The following NF1 variants were observed in gnomAD, a reference collection of about 807,000 sequenced individuals.
NF1 encodes the protein neurofibromin.
NF1 carries 122 observed loss-of-function variants against 325.7 expected under a neutral mutation model. That is an observed-to-expected ratio of 0.37 (90% CI 0.32 to 0.44). The LOEUF is 0.44. NF1 is among the 20% of genes least tolerant of loss of function. NF1 has a pLI of 1.00. For missense variants in NF1, 2,140 were observed against 3,415.4 expected, an observed-to-expected ratio of 0.63 and a Z score of 9.31; for synonymous variants, 1,091 against 1,186.0, an observed-to-expected ratio of 0.92 and a Z score of 1.65.
In NF1 at chr17:31,292,741, A is replaced by T. The variant is rs550142131; in HGVS notation, c.4835+27402A>T. ...AAGTTTGACTCTGCATTTTGCAGACATGTCTGTAGGATTGACATAATCCAT... is the reference window on the plus strand; with the variant it reads ...AAGTTTGACTCTGCATTTTGCAGACTTGTCTGTAGGATTGACATAATCCAT... On this transcript the variant is annotated intron_variant, in intron 36 of 57. Coordinates refer to ENST00000358273, the MANE Select transcript of NF1 (RefSeq NM_001042492.3). Among the ~76,000 whole-genome samples, 13 of 152,320 alleles carry T rather than the reference A, an allele frequency of 8.5e-5. No homozygotes were observed. In the South Asian group the frequency reaches 1.9e-3, roughly 22 times the overall value.
chr17:31,187,972 A>G (rs2066273089), intron 8 of NF1, among the ~76,000 whole-genome samples: 1 of 152,100 alleles, frequency 6.6e-6, no homozygotes, highest in African/African-American at 2.4e-5. Flanking sequence ...TCAGTCTACT[A>G]CTCCATAGCG....
chr17:31,123,800 A>G (rs567733805), intron 1 of NF1, among the ~76,000 whole-genome samples: 1 of 152,304 alleles, frequency 6.6e-6, no homozygotes, highest in African/African-American at 2.4e-5. Context: ...CAAGAATAAC[A>G]TTCCTTTAAG....
chr17:31,304,679 C>A, intron 36 of NF1: 3 of 1,614,090 alleles, frequency 1.9e-6, no homozygotes, highest in Non-Finnish European at 2.5e-6. Context: ...TTTACTTGAT[C>A]TTTTATTTTC....
intron 30 of NF1, chr17:31,250,422 G>A (rs1322671968): frequency 9.3e-6 from 2 of 214,810 alleles, no homozygotes; most frequent in African/African-American, 4.6e-5. Flanking sequence ...CAGCTTCTTG[G>A]TTGGCCTAGT....
chr17:31,108,200 A>T (rs1005543748), intron 1 of NF1, among the ~76,000 whole-genome samples: 2 of 150,864 alleles, frequency 1.3e-5, no homozygotes, highest in African/African-American at 4.9e-5. Flanking sequence ...AGTACAGTAT[A>T]CCTATCAAAA....
Position 31,327,812 on chromosome 17 carries a change from A to G in NF1, c.5582A>G (p.Asn1861Ser), listed in dbSNP as rs1555533647. ...ACACTGCTCAATATCGCATTACTTA[A>G]TTTAGGCAGTTCTGACCCGAGTTTA... is the stretch of plus-strand genomic sequence containing the variant. ...PGTLLNIALL[N>S]LGSSDPSLRS... is the part of the protein sequence containing the mutation. The change falls in exon 38 of 58, where the codon AAT becomes AGT. Residue 1861 changes from asparagine (N) to serine (S), a missense_variant. Around this residue, in one of 10 missense-constraint regions of NF1, gnomAD observed 180 missense variants for 435.1 expected, o/e 0.41. Transcript: ENST00000358273. 2 of 1,614,162 alleles carry G rather than the reference A, an allele frequency of 1.2e-6. No homozygotes were observed. The highest frequency in any genetic ancestry group is 1.1e-5 in the South Asian group (1 of 91,080).
intron 13 of NF1, among the ~76,000 whole-genome samples, chr17:31,215,763 G>C (rs186002159): frequency 1.9e-4 from 29 of 152,270 alleles, no homozygotes; most frequent in African/African-American, 6.7e-4. Context: ...TTATCGTTTT[G>C]CTCAGTAACT....
chr17:31,164,289 T>C (rs2065810122), intron 4 of NF1, among the ~76,000 whole-genome samples: 1 of 152,252 alleles, frequency 6.6e-6, no homozygotes, highest in African/African-American at 2.4e-5. Context: ...TAAGCTTTTA[T>C]TGATGACTCA....
intron 29 of NF1, among the ~76,000 whole-genome samples, chr17:31,236,843 T>C (rs537717764): frequency 6.6e-6 from 1 of 152,204 alleles, no homozygotes; most frequent in Non-Finnish European, 1.5e-5. Flanking sequence ...TGTTCTGTGC[T>C]GTGCACCACC....
rs1057518362 is a variant in NF1, at chr17:31,357,314, C to T, written c.7915C>T (p.Leu2639Phe). ...CACAGATGAGTTTGATCAACGAATT[C>T]TTTATGAATACTTAGCAGAGGCCAG... is the stretch of plus-strand genomic sequence containing the variant. ...YTTDEFDQRILYEYLAEASVV... is the reference protein window; with the variant it reads ...YTTDEFDQRIFYEYLAEASVV... The change falls in exon 54 of 58, where the codon CTT becomes TTT. Residue 2639 changes from leucine (L) to phenylalanine (F), a missense_variant. This residue lies in a region of NF1 where 522 missense variants were observed against 749.0 expected (regional missense o/e 0.70). Coordinates refer to ENST00000358273, the MANE Select transcript of NF1 (RefSeq NM_001042492.3). 1 of 1,614,024 alleles carries T rather than the reference C, an allele frequency of 6.2e-7. No homozygotes were observed. The highest frequency in any genetic ancestry group is 2.2e-5 in the East Asian group (1 of 44,856).
chr17:31,143,040 A>G (rs1050093733), intron 1 of NF1, among the ~76,000 whole-genome samples: 6 of 152,024 alleles, frequency 3.9e-5, no homozygotes, highest in South Asian at 4.1e-4. Context: ...TTGTATGTGC[A>G]TTCTTTTACC....
Position 31,228,948 on chromosome 17 carries a change from G to A in NF1, c.2410-77G>A, listed in dbSNP as rs2067062547. 4 of 1,157,264 alleles carry A rather than the reference G, an allele frequency of 3.5e-6. No individual in the cohort carries two copies. The Admixed American group carries it at 7.0e-5, about 20-fold the overall frequency. The allele number at this position is 1,157,264 out of a possible 1,614,324, so 71.7% of individuals were successfully genotyped here. On this transcript the variant is annotated intron_variant, in intron 20 of 57. Coordinates refer to ENST00000358273, the MANE Select transcript of NF1 (RefSeq NM_001042492.3). The stretch of plus-strand genomic sequence containing the variant: ...TTTGTACTTTTGTCATGGAAGAAAT[G>A]TTGGATAAAGCATAATTTGTCAAGT...
chr17:31,243,184 C>CTGTGTGTGTGTGTGTGTGTGTGTGTGTG (rs377472053), intron 29 of NF1, among the ~76,000 whole-genome samples: 2,668 of 137,432 alleles, frequency 0.019, 56 homozygotes, highest in Non-Finnish European at 0.027. Context: ...CTCTCTCTGT[C>CTGTGTGTGTGTGTGTGTGTGTGTGTGTG]TGTGTGTGTG....
At chr17:31,303,527 CCATAGTCTT>C (rs1454459971) in intron 36 of NF1, among the ~76,000 whole-genome samples, 2 of 151,968 alleles carry the variant, frequency 1.3e-5, no homozygotes, top group African/African-American at 4.8e-5. Flanking sequence ...TAGAATGAAG[CCATAGTCTT>C]CTTTTCCTTT....
At chr17:31,327,256 C>T (rs2069368595) in intron 37 of NF1, among the ~76,000 whole-genome samples, 1 of 152,048 alleles carries the variant, frequency 6.6e-6, no homozygotes, top group Non-Finnish European at 1.5e-5. Context: ...GCCACTGCAC[C>T]CGGCCTTCTA....
rs2070705283 is a variant in NF1, at chr17:31,374,553, C to T, written c.*398C>T. The T allele has an allele frequency of 2.6e-6, 1 of 390,156 alleles. No homozygotes were observed. The highest frequency in any genetic ancestry group is 4.8e-6 in the Non-Finnish European group (1 of 209,612). The allele number at this position is 390,156 out of a possible 1,614,324, so 24.2% of individuals were successfully genotyped here. A position where few individuals can be genotyped will look rare whatever the true frequency, so the allele number is the denominator to read the frequency against. On this transcript the variant is annotated 3_prime_UTR_variant, in exon 58 of 58. Transcript: ENST00000358273. ...CTGTGGTTTTCCCTTCTTCATCCTA[C>T]AGAGTAAAGTGTTAGTCCTATTTAT...
intron 36 of NF1, among the ~76,000 whole-genome samples, chr17:31,324,954 G>A (rs924884870): frequency 1.3e-5 from 2 of 152,146 alleles, no homozygotes; most frequent in African/African-American, 4.8e-5. Flanking sequence ...ATCACATATG[G>A]AAAACTTTGG....
rs1008403236 is a variant in NF1, at chr17:31,327,418, G to A, written c.5269-81G>A. On this transcript the variant is annotated intron_variant, in intron 37 of 57. Transcript: ENST00000358273. The stretch of plus-strand genomic sequence containing the variant: ...AATGGCATAGTGTTTTGTTTGGTTG[G>A]TTGGTTTCTGGAGCCTTTTAGAATT... The A allele has an allele frequency of 1.5e-4, 152 of 1,027,956 alleles. 2 individuals carry two copies. Among genetic ancestry groups the A allele is most frequent in the Middle Eastern group, 9.9e-4 (5 of 5,060 alleles). 63.7% of individuals were successfully genotyped at this position (1,027,956 alleles called of 1,614,324 possible). A position where few individuals can be genotyped will look rare whatever the true frequency, so the allele number is the denominator to read the frequency against.
chr17:31,128,069 G>A (rs938587500), intron 1 of NF1, among the ~76,000 whole-genome samples: 4 of 151,246 alleles, frequency 2.6e-5, no homozygotes, highest in African/African-American at 7.3e-5. Flanking sequence ...AGCCTCCCGA[G>A]TAGCTGGGAC....
Sources: gnomAD v4.1 joint callset for allele counts (sites outside exome capture counted in the v4.1 genomes callset) on GRCh38, gnomAD v4.1.1 for gene constraint, gnomAD v4.1.1 regional missense constraint, MANE v1.5 for transcripts, NCBI Gene and HGNC (gene_info 2026-07-23, HGNC 2026-07-21) for gene names.